LPAR1: variants seen among roughly 807,000 people sequenced by gnomAD.
LPAR1 encodes the protein LPA receptor 1.
In LPAR1, 5 loss-of-function variants were observed where a neutral mutation model predicts 23.8. The observed-to-expected ratio is 0.21, with a 90% CI of 0.11 to 0.44. LPAR1 has a LOEUF of 0.44. LPAR1 is among the 20% of genes least tolerant of loss of function. The probability of loss-of-function intolerance (pLI) is 0.99; values close to 1 mark genes in which losing one functional copy is unlikely to be tolerated. For missense variants in LPAR1, 311 were observed against 482.8 expected (o/e 0.64, Z 3.33); for synonymous variants, 160 against 164.7 (o/e 0.97, Z 0.22).
At chr9:110,890,311 C>G (rs982690219) in intron 5 of LPAR1, among the ~76,000 whole-genome samples, 10 of 152,062 alleles carry the variant, frequency 6.6e-5, no homozygotes, top group Admixed American at 2.6e-4. Flanking sequence ...CCTTCACCCC[C>G]CTCAAAAGGC....
At chr9:110,901,792 T>A (rs1448594548) in intron 5 of LPAR1, among the ~76,000 whole-genome samples, 1 of 152,088 alleles carries the variant, frequency 6.6e-6, no homozygotes, top group Non-Finnish European at 1.5e-5. Flanking sequence ...TTCAGTTTTG[T>A]TTACAGGGAA....
chr9:110,895,866 G>A (rs1387055725), intron 5 of LPAR1, among the ~76,000 whole-genome samples: 1 of 152,168 alleles, frequency 6.6e-6, no homozygotes, highest in Non-Finnish European at 1.5e-5. Flanking sequence ...CAGCCCAGAG[G>A]AGCTTCATGT....
chr9:110,997,674 C>T (rs995011517), intron 2 of LPAR1, among the ~76,000 whole-genome samples: 6 of 152,080 alleles, frequency 3.9e-5, no homozygotes, highest in African/African-American at 9.7e-5. Context: ...AATTCTGAAG[C>T]GTATGTCTGA....
chr9:110,877,646 T>C (rs2079473301), intron 5 of LPAR1, among the ~76,000 whole-genome samples: 1 of 152,200 alleles, frequency 6.6e-6, no homozygotes, highest in South Asian at 2.1e-4. Flanking sequence ...ATTATGCCAT[T>C]TACTTGGAAA....
At position 110,965,217 on chromosome 9, in the gene LPAR1, TTAAC is replaced by T. The variant is rs59958212; in HGVS notation, c.45+6852_45+6855del. On this transcript the variant is annotated intron_variant, in intron 4 of 5. Coordinates refer to ENST00000683809, the MANE Select transcript of LPAR1 (RefSeq NM_001351411.2). The stretch of plus-strand genomic sequence containing the variant: ...GAATGAGAATTGGAGGAACAATCTC[TTAAC>T]TAAGATATTGAAAATCTACCCAAAT... 2.1e-3 allele frequency among the ~76,000 whole-genome samples: 326 copies of T among 152,218 alleles called. 1 individual carries two copies. The highest frequency in any genetic ancestry group is 7.2e-3 in the African/African-American group (297 of 41,528).
chr9:110,875,731 A>T lies in LPAR1; in HGVS notation c.794-9T>A. 6 of 1,544,632 alleles carry T rather than the reference A, an allele frequency of 3.9e-6. No homozygotes were observed. In the South Asian group the frequency reaches 7.3e-5, roughly 19 times the overall value. On this transcript the variant is annotated splice_polypyrimidine_tract_variant and intron_variant, in intron 5 of 5. Transcript: ENST00000683809. ...GCAGATGATAAAGGCCCCTACAAGG[A>T]CAAGGATAGGGATCAGAAGGATTTT...
intron 5 of LPAR1, among the ~76,000 whole-genome samples, chr9:110,887,264 A>G (rs2082659845): frequency 6.6e-6 from 1 of 152,144 alleles, no homozygotes. Context: ...TTACTATCAA[A>G]ATGGGGAAAA....
At chr9:110,965,651 G>A (rs2096189776) in intron 4 of LPAR1, among the ~76,000 whole-genome samples, 1 of 152,166 alleles carries the variant, frequency 6.6e-6, no homozygotes, top group Non-Finnish European at 1.5e-5. Context: ...TGGAGAAATG[G>A]GAACACCTTT....
At chr9:110,988,712 A>C (rs1244247273) in intron 2 of LPAR1, among the ~76,000 whole-genome samples, 2 of 152,288 alleles carry the variant, frequency 1.3e-5, no homozygotes, top group East Asian at 3.9e-4. Flanking sequence ...AGGTGCAGCC[A>C]CTGTGAAAAT....
chr9:110,922,033 C>G (rs751061540), intron 5 of LPAR1, among the ~76,000 whole-genome samples: 2 of 152,096 alleles, frequency 1.3e-5, no homozygotes, highest in African/African-American at 2.4e-5. Flanking sequence ...ATGCAGAGAG[C>G]GGACCTGAGC....
At chr9:110,902,324 C>T (rs1281840200) in intron 5 of LPAR1, among the ~76,000 whole-genome samples, 4 of 152,028 alleles carry the variant, frequency 2.6e-5, no homozygotes, top group Admixed American at 2.0e-4. Flanking sequence ...CCCATAATCC[C>T]GCGTTGTGAG....
At chr9:110,942,676 T>A (rs1318650931) in intron 4 of LPAR1, among the ~76,000 whole-genome samples, 1 of 152,216 alleles carries the variant, frequency 6.6e-6, no homozygotes, top group African/African-American at 2.4e-5. Flanking sequence ...AGGACCATCA[T>A]TCCAAACATT....
rs569630975 is a variant in LPAR1 at position 110,883,188 on chromosome 9, C to T, written c.794-7466G>A. Among the ~76,000 whole-genome samples, 33 of 152,188 alleles carry T rather than the reference C, an allele frequency of 2.2e-4. No homozygotes were observed. In the South Asian group the frequency reaches 4.4e-3, roughly 20 times the overall value. ...CTGAATAGCAGGGATTACAGGTGCA[C>T]GCCACCATGCCTAATTTTTGTATTT... is the stretch of plus-strand genomic sequence containing the variant. On this transcript the variant is annotated intron_variant, in intron 5 of 5. Transcript: ENST00000683809.
chr9:110,914,204 A>G (rs2092793163), intron 5 of LPAR1, among the ~76,000 whole-genome samples: 1 of 152,170 alleles, frequency 6.6e-6, no homozygotes, highest in African/African-American at 2.4e-5. Context: ...ATCACTGTGT[A>G]CACAAATGTC....
intron 2 of LPAR1, among the ~76,000 whole-genome samples, chr9:111,021,865 G>T (rs1027164574): frequency 2.7e-5 from 4 of 148,818 alleles, no homozygotes; most frequent in African/African-American, 7.5e-5. Context: ...AGAGGCTTAG[G>T]CAGGAGAATC....
rs369936122 is a variant in LPAR1, at chr9:110,898,098, T to C, written c.794-22376A>G. 1.6e-4 allele frequency among the ~76,000 whole-genome samples: 25 copies of C among 152,340 alleles called. 1 individual carries two copies. Among genetic ancestry groups the C allele is most frequent in the South Asian group, 1.0e-3 (5 of 4,828 alleles). On this transcript the variant is annotated intron_variant, in intron 5 of 5. Coordinates refer to ENST00000683809, the MANE Select transcript of LPAR1 (RefSeq NM_001351411.2). ...AAACTAGTGACTCATTTCTGTGACA[T>C]TGGTGCCTCTGGGAATCCAGTGAAA...
chr9:111,009,996 AAAATATATATATATATATATAT>A lies in LPAR1; in HGVS notation c.-182+26104_-182+26125del, dbSNP rs1192659194. ...TTTCATTTCTCATTTCATAATTAGGAAAATATATATATATATATATATATATATATATATATATATATATATA... is the reference window on the plus strand; with the variant it reads ...TTTCATTTCTCATTTCATAATTAGGAATATATATATATATATATATATATA... On this transcript the variant is annotated intron_variant, in intron 2 of 5. Transcript: ENST00000683809. Among the ~76,000 whole-genome samples, 384 of 108,958 alleles carry A rather than the reference AAAATATATATATATATATATAT, an allele frequency of 3.5e-3. 10 individuals are homozygous for A. In the East Asian group the frequency reaches 0.037, roughly 11 times the overall value. 71.5% of individuals were successfully genotyped at this position (108,958 alleles called of 152,430 possible). A position where few individuals can be genotyped will look rare whatever the true frequency, so the allele number is the denominator to read the frequency against.
chr9:110,941,558 AC>A lies in LPAR1; in HGVS notation c.655del (p.Val219TrpfsTer2), dbSNP rs1168109724. ...FWAIFNLVTF[V>X]VMVVLYAHIF... is the part of the protein sequence containing the mutation. ...GTGAGCATAGAGAACCACCATTACCACAAAGGTCACCAAGTTGAAAATGGCC... is the reference window on the plus strand; with the variant it reads ...GTGAGCATAGAGAACCACCATTACCAAAAGGTCACCAAGTTGAAAATGGCC... On this transcript the variant is annotated frameshift_variant, in exon 5 of 6. Transcript: ENST00000683809. LOFTEE classifies it high-confidence loss of function. This position sits in a 1 kb window ranked among gnomAD's most constrained non-coding sequence, Gnocchi z 6.1. The A allele has an allele frequency of 6.2e-7, 1 of 1,614,032 alleles. No homozygotes were observed. Among genetic ancestry groups the A allele is most frequent in the Non-Finnish European group, 8.5e-7 (1 of 1,180,026 alleles).
chr9:110,881,172 A>G (rs1214071344), intron 5 of LPAR1, among the ~76,000 whole-genome samples: 2 of 152,158 alleles, frequency 1.3e-5, no homozygotes, highest in Non-Finnish European at 2.9e-5. Context: ...TTCCACCCTG[A>G]TACCAATTTT....
Sources: allele counts gnomAD v4.1 joint callset (sites outside exome capture counted in the v4.1 genomes callset), GRCh38; gene constraint gnomAD v4.1.1; non-coding constraint Gnocchi (gnomAD v3.1); transcripts MANE v1.5; gene names NCBI Gene and HGNC (gene_info 2026-07-23, HGNC 2026-07-21).